NUDT16L1: variants seen among roughly 807,000 people sequenced by gnomAD.
The protein encoded by NUDT16L1 is tudor-interacting repair regulator protein.
NUDT16L1 carries 19 observed loss-of-function variants against 17.3 expected under a neutral mutation model. That is an observed-to-expected ratio of 1.10 (90% CI 0.77 to 1.61). The LOEUF (loss-of-function observed/expected upper bound fraction) is 1.61. Among genes scored for constraint, NUDT16L1 ranks in the 40% most tolerant of loss-of-function variants. The pLI, the probability that NUDT16L1 is intolerant of heterozygous loss-of-function variation, is 0.00. For missense variants in NUDT16L1, 341 were observed against 292.0 expected, an observed-to-expected ratio of 1.17 and a Z score of -1.22; for synonymous variants, 255 against 138.6, an observed-to-expected ratio of 1.84 and a Z score of -5.90.
exon 3 of NUDT16L1, chr16:4,695,372 A>G (rs1596331601): frequency 1.6e-6 from 1 of 619,786 alleles, no homozygotes; most frequent in East Asian, 2.7e-5. Context: ...CCATCCTCTC[A>G]GGCAGAGCAG....
exon 3 of NUDT16L1, chr16:4,695,392 G>A (rs2079520817): frequency 1.7e-6 from 1 of 601,964 alleles, no homozygotes; most frequent in Admixed American, 2.9e-5. Context: ...GGGTGGTCCG[G>A]GCACACTGGG....
chr16:4,695,443 C>T (rs1403521573), exon 3 of NUDT16L1: 9 of 591,762 alleles, frequency 1.5e-5, no homozygotes, highest in East Asian at 8.3e-5. Flanking sequence ...TTATTCTGGG[C>T]TCAGACCCTC....
chr16:4,694,117 G>C (rs2079482055), exon 2 of NUDT16L1: 11 of 1,590,494 alleles, frequency 6.9e-6, no homozygotes, highest in African/African-American at 1.4e-5. Context: ...GACTACCTGA[G>C]CTCGCACCTG....
chr16:4,693,601 G>T, upstream of NUDT16L1: 2 of 1,140,204 alleles, frequency 1.8e-6, no homozygotes, highest in East Asian at 3.4e-5. Context: ...CGGTCCCGGG[G>T]CGCGCCGGCG....
At chr16:4,694,717 G>GGTGGC in intron 2 of NUDT16L1, 10 of 1,424,944 alleles carry the variant, frequency 7.0e-6, no homozygotes, top group Non-Finnish European at 9.1e-6. Context: ...CCCGGGGTGG[G>GGTGGC]GTGGCCTGGG....
exon 3 of NUDT16L1, chr16:4,695,310 T>G (rs2079519335): frequency 9.9e-6 from 9 of 909,722 alleles, no homozygotes; most frequent in Non-Finnish European, 1.5e-5. Flanking sequence ...TGTCATCATC[T>G]CCACTGTCCC....
At chr16:4,693,640 C>G (rs2079473614), upstream of NUDT16L1, 1 of 1,305,920 alleles carries the variant, frequency 7.7e-7, no homozygotes, top group Non-Finnish European at 9.8e-7. Context: ...CCCGGGGGCG[C>G]GGCCGCCCGC....
intron 2 of NUDT16L1, chr16:4,694,610 G>GT (rs2142005226): frequency 7.0e-7 from 1 of 1,429,144 alleles, no homozygotes; most frequent in Non-Finnish European, 9.1e-7. Context: ...CATGTTGGGC[G>GT]TGAAGGCTCT....
At chr16:4,695,080 G>A in exon 3 of NUDT16L1, 1 of 1,613,522 alleles carries the variant, frequency 6.2e-7, no homozygotes, top group Non-Finnish European at 8.5e-7. Flanking sequence ...CCCTCAAGGT[G>A]CTCAACATGA....
intron 2 of NUDT16L1, chr16:4,694,546 G>A: frequency 1.4e-6 from 2 of 1,457,122 alleles, no homozygotes; most frequent in South Asian, 1.4e-5. Flanking sequence ...AGCGGGGATT[G>A]CTTGGGGAGT....
chr16:4,695,801 C>CGAAGCT (rs2142008012), exon 3 of NUDT16L1: 1 of 388,270 alleles, frequency 2.6e-6, no homozygotes, highest in South Asian at 1.4e-4. Context: ...CTATGTACAA[C>CGAAGCT]GAAGCTGTCG....
exon 1 of NUDT16L1, chr16:4,693,721 G>A (rs756885697): frequency 2.6e-6 from 4 of 1,521,134 alleles, no homozygotes; most frequent in African/African-American, 1.4e-5. Context: ...CGGGGTCAGT[G>A]CCAAGATGTC....
At chr16:4,694,392 G>C (rs1202400826) in intron 2 of NUDT16L1, 154 bp downstream of exon 2, 1 of 1,486,456 alleles carries the variant, frequency 6.7e-7, no homozygotes, top group South Asian at 1.3e-5. Context: ...GGGGTCTGGG[G>C]CTGGGAGGCC....
chr16:4,693,838 G>A, exon 1 of NUDT16L1: 1 of 1,563,490 alleles, frequency 6.4e-7, no homozygotes, highest in Non-Finnish European at 8.6e-7. Context: ...CGCCAACCCT[G>A]GGCAGCTCTT....
exon 3 of NUDT16L1, chr16:4,695,574 C>G: frequency 6.7e-6 from 3 of 449,184 alleles, no homozygotes; most frequent in South Asian, 6.0e-5. Context: ...TGCCTTGTCT[C>G]GGTCAGCTCA....
chr16:4,694,207 G>C, exon 2 of NUDT16L1: 1 of 1,544,790 alleles, frequency 6.5e-7, no homozygotes, highest in East Asian at 2.5e-5. Flanking sequence ...GTGGAGATCA[G>C]CGCGGTGCAC....
At chr16:4,694,844 G>A in intron 2 of NUDT16L1, 114 bp from the exon 3 acceptor site, 1 of 1,474,630 alleles carries the variant, frequency 6.8e-7, no homozygotes, top group Admixed American at 2.3e-5. Context: ...CTCCCATTAA[G>A]TCCTTGGCAA....
chr16:4,695,698 C>G, exon 3 of NUDT16L1: 1 of 404,610 alleles, frequency 2.5e-6, no homozygotes, highest in Non-Finnish European at 4.3e-6. Flanking sequence ...TAGATTTTCT[C>G]TTTCACCACG....
At chr16:4,694,763 A>C in intron 2 of NUDT16L1, 195 bp from the exon 3 acceptor site, 1 of 1,429,624 alleles carries the variant, frequency 7.0e-7, no homozygotes. Context: ...CAGCCTCCAC[A>C]CTTGCTTGGG....
Sources: allele counts gnomAD v4.1 joint callset, GRCh38; gene constraint gnomAD v4.1.1; transcripts MANE v1.5; gene names NCBI Gene and HGNC (gene_info 2026-07-23, HGNC 2026-07-21).